The following SORCS3 variants were observed in gnomAD, a reference collection of about 807,000 sequenced individuals.
The protein encoded by SORCS3 is VPS10 domain-containing receptor SorCS3.
In SORCS3, 57 loss-of-function variants were observed where a neutral mutation model predicts 146.3. That is an observed-to-expected ratio of 0.39 (90% CI 0.31 to 0.49). SORCS3 has a LOEUF of 0.49. Ranked by LOEUF, SORCS3 falls within the 20% of genes least tolerant of loss-of-function variation. The probability of loss-of-function intolerance (pLI) is 0.92; values close to 1 mark genes in which losing one functional copy is unlikely to be tolerated. For synonymous variants in SORCS3, 653 were observed against 618.5 expected (o/e 1.06, Z -0.83); for missense variants, 1,341 against 1,575.5 (o/e 0.85, Z 2.52).
intron 1 of SORCS3, among the ~76,000 whole-genome samples, chr10:104,825,377 G>T (rs1475369025): frequency 6.6e-6 from 1 of 152,166 alleles, no homozygotes; most frequent in Non-Finnish European, 1.5e-5. Context: ...AAAATAAGTG[G>T]CAGACCCTGG....
At chr10:104,981,802 T>C (rs373035254) in intron 4 of SORCS3, among the ~76,000 whole-genome samples, 25 of 152,234 alleles carry the variant, frequency 1.6e-4, no homozygotes, top group African/African-American at 5.8e-4. Flanking sequence ...TGAAAATAGC[T>C]ATTTTTTTTC....
At chr10:105,016,394 C>A (rs2055168134) in intron 4 of SORCS3, among the ~76,000 whole-genome samples, 1 of 151,366 alleles carries the variant, frequency 6.6e-6, no homozygotes, top group South Asian at 2.1e-4. Flanking sequence ...CATGATCCAC[C>A]CACCTCAGCT....
At chr10:104,913,448 C>G (rs1037870183) in intron 2 of SORCS3, among the ~76,000 whole-genome samples, 1 of 152,122 alleles carries the variant, frequency 6.6e-6, no homozygotes, top group Admixed American at 6.5e-5. Context: ...CTGCAGTAGA[C>G]AAGAGTCAGA....
intron 6 of SORCS3, among the ~76,000 whole-genome samples, chr10:105,102,623 C>T (rs189423662): frequency 6.6e-6 from 1 of 152,072 alleles, no homozygotes; most frequent in East Asian, 1.9e-4. Flanking sequence ...ACCAAATCCC[C>T]ACAACATGCA....
chr10:105,022,117 C>T (rs1340144100), intron 4 of SORCS3, among the ~76,000 whole-genome samples: 2 of 152,000 alleles, frequency 1.3e-5, no homozygotes, highest in Non-Finnish European at 2.9e-5. Context: ...AGTACAGTGG[C>T]GACTACATGT....
chr10:104,806,940 T>C (rs2017684989), intron 1 of SORCS3, among the ~76,000 whole-genome samples: 1 of 152,138 alleles, frequency 6.6e-6, no homozygotes, highest in African/African-American at 2.4e-5. Flanking sequence ...TGTTGAGATC[T>C]CCCTTTCCAT....
chr10:104,852,224 C>T (rs1173204235), intron 2 of SORCS3, among the ~76,000 whole-genome samples: 2 of 152,338 alleles, frequency 1.3e-5, no homozygotes, highest in Admixed American at 6.5e-5. Context: ...ATTTTGCAGA[C>T]AGATCTGTGG....
chr10:104,764,049 C>T (rs2017153332), intron 1 of SORCS3, among the ~76,000 whole-genome samples: 1 of 144,542 alleles, frequency 6.9e-6, no homozygotes, highest in African/African-American at 2.6e-5. Context: ...ACTGGTAATT[C>T]ATTAAAATGA....
intron 2 of SORCS3, among the ~76,000 whole-genome samples, chr10:104,856,408 C>T (rs2018332407): frequency 6.9e-6 from 1 of 144,798 alleles, no homozygotes; most frequent in Non-Finnish European, 1.5e-5. Context: ...AGAGAGACCA[C>T]TGTTATATGA....
chr10:104,887,543 G>A (rs1167613465), intron 2 of SORCS3, among the ~76,000 whole-genome samples: 1 of 152,168 alleles, frequency 6.6e-6, no homozygotes, highest in Non-Finnish European at 1.5e-5. Flanking sequence ...TTGTTACTTA[G>A]AATGCAGCTT....
chr10:104,841,169 G>A (rs1399170754), intron 1 of SORCS3, among the ~76,000 whole-genome samples: 1 of 152,126 alleles, frequency 6.6e-6, no homozygotes, highest in African/African-American at 2.4e-5. Context: ...GTTAGTCTCT[G>A]GCTTTAATAA....
intron 4 of SORCS3, among the ~76,000 whole-genome samples, chr10:105,014,768 G>T (rs1375104164): frequency 6.6e-6 from 1 of 152,134 alleles, no homozygotes. Context: ...ATTAGGTCAT[G>T]AATGTGATTA....
chr10:104,751,466 G>A (rs1344505718), intron 1 of SORCS3, among the ~76,000 whole-genome samples: 1 of 152,130 alleles, frequency 6.6e-6, no homozygotes, highest in African/African-American at 2.4e-5. Flanking sequence ...TAGTTAGGAG[G>A]CAATTGCTCT....
chr10:104,843,319 A>G (rs1209733468), intron 2 of SORCS3, among the ~76,000 whole-genome samples: 1 of 152,196 alleles, frequency 6.6e-6, no homozygotes, highest in South Asian at 2.1e-4. Context: ...GAAGAGATAC[A>G]GATACAAGTC....
intron 4 of SORCS3, among the ~76,000 whole-genome samples, chr10:105,033,463 G>A (rs1035791804): frequency 2.6e-5 from 4 of 152,170 alleles, no homozygotes; most frequent in Non-Finnish European, 5.9e-5. Flanking sequence ...CTAAGGCCAT[G>A]TTTATGATTC....
At chr10:104,804,837 T>C (rs1319276478) in intron 1 of SORCS3, among the ~76,000 whole-genome samples, 2 of 152,186 alleles carry the variant, frequency 1.3e-5, no homozygotes, top group African/African-American at 4.8e-5. Context: ...GAAAGACTGG[T>C]GATGGACTGG....
intron 2 of SORCS3, among the ~76,000 whole-genome samples, chr10:104,852,723 A>G (rs1440133501): frequency 6.6e-6 from 1 of 152,178 alleles, no homozygotes; most frequent in Non-Finnish European, 1.5e-5. Context: ...GCTCAGAGTG[A>G]TGAGCGTAAT....
chr10:104,970,959 A>G (rs372717137), intron 3 of SORCS3, among the ~76,000 whole-genome samples: 28 of 152,194 alleles, frequency 1.8e-4, no homozygotes, highest in Non-Finnish European at 3.5e-4. Context: ...GCATGATAGA[A>G]AATTGGTGGC....
chr10:104,876,163 T>C (rs887396459), intron 2 of SORCS3, among the ~76,000 whole-genome samples: 3 of 152,202 alleles, frequency 2.0e-5, no homozygotes. Flanking sequence ...ACTTCAACTG[T>C]TGTAAGTCAC....
Sources: allele counts gnomAD v4.1 joint callset (sites outside exome capture counted in the v4.1 genomes callset), GRCh38; gene constraint gnomAD v4.1.1; transcripts MANE v1.5; gene names NCBI Gene and HGNC (gene_info 2026-07-23, HGNC 2026-07-21).